The following STAG1 variants were observed in gnomAD, a reference collection of about 807,000 sequenced individuals.
The protein encoded by STAG1 is STAG1 cohesin complex component.
STAG1 carries 26 observed loss-of-function variants against 170.9 expected under a neutral mutation model. The ratio of observed to expected loss-of-function variants is 0.15; its 90% confidence interval spans 0.11 to 0.21. STAG1 has a LOEUF of 0.21. STAG1 is among the 10% of genes least tolerant of loss of function. STAG1 has a pLI of 1.00. For missense variants in STAG1, 964 were observed against 1,509.5 expected (o/e 0.64, Z 5.99); for synonymous variants, 514 against 497.7 (o/e 1.03, Z -0.44).
intron 1 of STAG1, among the ~76,000 whole-genome samples, chr3:136,703,536 A>G (rs1265831655): frequency 2.0e-5 from 3 of 152,328 alleles, no homozygotes; most frequent in Non-Finnish European, 4.4e-5. Context: ...TAAACATAAA[A>G]CACAGAAAAC....
intron 8 of STAG1, among the ~76,000 whole-genome samples, chr3:136,501,957 G>T (rs938150113): frequency 2.6e-5 from 4 of 152,052 alleles, no homozygotes; most frequent in Admixed American, 2.6e-4. Flanking sequence ...CGAGGTGGGC[G>T]GATCACCTGA....
chr3:136,375,093 A>G (rs1937524796), intron 23 of STAG1, among the ~76,000 whole-genome samples: 1 of 152,192 alleles, frequency 6.6e-6, no homozygotes, highest in African/African-American at 2.4e-5. Context: ...GTTTGTGTAA[A>G]TATACTCTTA....
intron 3 of STAG1, among the ~76,000 whole-genome samples, chr3:136,606,266 G>A (rs1938932597): frequency 6.6e-6 from 1 of 151,294 alleles, no homozygotes; most frequent in African/African-American, 2.4e-5. Flanking sequence ...TCGACTCACT[G>A]CAACCTCCGC....
intron 29 of STAG1, among the ~76,000 whole-genome samples, chr3:136,345,958 A>G (rs1339480427): frequency 1.3e-5 from 2 of 152,226 alleles, no homozygotes; most frequent in Non-Finnish European, 2.9e-5. Flanking sequence ...AACACATTTC[A>G]TTCAACATTT....
intron 13 of STAG1, among the ~76,000 whole-genome samples, chr3:136,463,706 C>A (rs1449600339): frequency 7.4e-6 from 1 of 135,888 alleles, no homozygotes; most frequent in Non-Finnish European, 1.5e-5. Context: ...AGCAAGACCC[C>A]ATCTCTCTAA....
At chr3:136,355,175 A>G (rs919569165) in intron 28 of STAG1, among the ~76,000 whole-genome samples, 9 of 151,756 alleles carry the variant, frequency 5.9e-5, no homozygotes, top group African/African-American at 1.7e-4. Context: ...CAACATGGTG[A>G]AACCCCATCT....
intron 7 of STAG1, among the ~76,000 whole-genome samples, chr3:136,512,558 A>C (rs1002018009): frequency 5.9e-5 from 9 of 152,194 alleles, no homozygotes; most frequent in Admixed American, 5.9e-4. Context: ...ATCCAGAGTC[A>C]TCAGACATAT....
intron 4 of STAG1, among the ~76,000 whole-genome samples, chr3:136,581,584 C>A (rs1233349966): frequency 6.6e-6 from 1 of 152,080 alleles, no homozygotes; most frequent in Non-Finnish European, 1.5e-5. Context: ...ATTTACAATG[C>A]TGGTAGGAAG....
chr3:136,439,279 G>C (rs2088558044), intron 15 of STAG1, among the ~76,000 whole-genome samples: 1 of 148,918 alleles, frequency 6.7e-6, no homozygotes. Context: ...GAAGTTACTT[G>C]ATTTGGTTAT....
At chr3:136,593,427 TA>T (rs1938282964) in intron 4 of STAG1, among the ~76,000 whole-genome samples, 1 of 152,224 alleles carries the variant, frequency 6.6e-6, no homozygotes, top group African/African-American at 2.4e-5. Context: ...GTGCTTGGAA[TA>T]AAGACCTAGA....
intron 5 of STAG1, among the ~76,000 whole-genome samples, chr3:136,551,221 G>GAC (rs1936376897): frequency 8.1e-6 from 1 of 123,154 alleles, no homozygotes; most frequent in South Asian, 2.7e-4. Flanking sequence ...GAGAGAGAGA[G>GAC]AGAGAGAGAG....
At position 136,418,360 on chromosome 3, in the gene STAG1, CAAAAAAAAAAAAAAAAAA is replaced by C. The variant is rs767401141; in HGVS notation, c.2109-406_2109-389del. Among the ~76,000 whole-genome samples, 308 of 49,738 alleles carry C rather than the reference CAAAAAAAAAAAAAAAAAA, an allele frequency of 6.2e-3. 1 individual carries two copies. The highest frequency in any genetic ancestry group is 0.03 in the African/African-American group (280 of 9,250). The allele number at this position is 49,738 out of a possible 152,430, so 32.6% of individuals were successfully genotyped here. The stretch of plus-strand genomic sequence containing the variant: ...GGGTAACTGAGCAAGACTCTGTCTC[CAAAAAAAAAAAAAAAAAA>C]AAAAAAAAAAAAAAAAAAAAAAGGT... On this transcript the variant is annotated intron_variant, in intron 20 of 33. Coordinates refer to ENST00000383202, the MANE Select transcript of STAG1 (RefSeq NM_005862.3).
chr3:136,569,445 G>A (rs1202404749), intron 4 of STAG1, among the ~76,000 whole-genome samples: 1 of 150,950 alleles, frequency 6.6e-6, no homozygotes, highest in Non-Finnish European at 1.5e-5. Context: ...GAAAATTAGG[G>A]TTCAATAAAA....
chr3:136,453,650 A>G (rs2107779441), intron 13 of STAG1, among the ~76,000 whole-genome samples: 1 of 152,124 alleles, frequency 6.6e-6, no homozygotes, highest in Non-Finnish European at 1.5e-5. Context: ...TCTAGGTAAA[A>G]GGGAATCTTA....
chr3:136,598,774 T>C (rs952091987), intron 4 of STAG1, among the ~76,000 whole-genome samples: 2 of 152,186 alleles, frequency 1.3e-5, no homozygotes, highest in African/African-American at 2.4e-5. Flanking sequence ...GTAAATTTTA[T>C]AATGCAATTT....
intron 22 of STAG1, among the ~76,000 whole-genome samples, chr3:136,394,121 T>C (rs2108332468): frequency 6.6e-6 from 1 of 152,278 alleles, no homozygotes; most frequent in African/African-American, 2.4e-5. Flanking sequence ...TTGGTTAGGA[T>C]AATCTCTATC....
intron 12 of STAG1, among the ~76,000 whole-genome samples, chr3:136,465,782 A>G (rs535786924): frequency 6.6e-6 from 1 of 152,154 alleles, no homozygotes; most frequent in South Asian, 2.1e-4. Context: ...AATACTAAAT[A>G]CTATTCTAAC....
chr3:136,498,257 C>CATACATATACAT (rs1472369855), intron 9 of STAG1, among the ~76,000 whole-genome samples: 137 of 83,624 alleles, frequency 1.6e-3, no homozygotes, highest in African/African-American at 4.8e-3. Flanking sequence ...CATACACACA[C>CATACATATACAT]ACACACACAC....
At chr3:136,373,027 C>G (rs1937431343) in intron 23 of STAG1, among the ~76,000 whole-genome samples, 1 of 152,094 alleles carries the variant, frequency 6.6e-6, no homozygotes, top group South Asian at 2.1e-4. Flanking sequence ...AATTTCAGAG[C>G]CTGTTATTGG....
Sources: allele counts gnomAD v4.1 joint callset (sites outside exome capture counted in the v4.1 genomes callset), GRCh38; gene constraint gnomAD v4.1.1; transcripts MANE v1.5; gene names NCBI Gene and HGNC (gene_info 2026-07-23, HGNC 2026-07-21).